Variants in SYNPO2 observed in about 807,000 individuals in gnomAD.
SYNPO2 encodes the protein synaptopodin 2, also known as synaptopodin-2.
A neutral mutation model predicts 85.0 loss-of-function variants in SYNPO2; 56 were observed. The observed-to-expected ratio is 0.66, with a 90% confidence interval of 0.53 to 0.82. The LOEUF is 0.82. Among genes scored for constraint, SYNPO2 ranks in the 40% least tolerant of loss-of-function variants. The pLI is 0.00. For missense variants in SYNPO2, 1,575 were observed against 1,534.2 expected (o/e 1.03, Z -0.44); for synonymous variants, 602 against 591.1 (o/e 1.02, Z -0.27).
chr4:118,996,374 A>G (rs527366254), intron 1 of SYNPO2, among the ~76,000 whole-genome samples: 2 of 152,232 alleles, frequency 1.3e-5, no homozygotes, highest in South Asian at 2.1e-4. Context: ...GTTCTTTATG[A>G]ATACTTTTAT....
intron 1 of SYNPO2, among the ~76,000 whole-genome samples, chr4:118,980,988 G>T (rs1188700166): frequency 6.6e-6 from 1 of 152,194 alleles, no homozygotes; most frequent in Admixed American, 6.5e-5. Context: ...AAGTTACTAA[G>T]CACAGTTTCC....
chr4:118,933,213 A>C (rs1371971680), intron 1 of SYNPO2, among the ~76,000 whole-genome samples: 5 of 152,216 alleles, frequency 3.3e-5, no homozygotes, highest in Non-Finnish European at 7.4e-5. Context: ...GGACTATATC[A>C]AGTTCAATAA....
intron 1 of SYNPO2, among the ~76,000 whole-genome samples, chr4:118,987,265 G>A (rs1216952507): frequency 6.6e-6 from 1 of 152,144 alleles, no homozygotes; most frequent in Non-Finnish European, 1.5e-5. Context: ...GAATGTCCCA[G>A]CTAAGGAACA....
At chr4:118,997,962 G>A (rs1339827393) in intron 1 of SYNPO2, among the ~76,000 whole-genome samples, 8 of 152,140 alleles carry the variant, frequency 5.3e-5, no homozygotes, top group Non-Finnish European at 1.5e-5. Context: ...CAAGATCTTA[G>A]ATGTCCCTGA....
intron 1 of SYNPO2, among the ~76,000 whole-genome samples, chr4:118,967,550 CAG>C (rs2149152899): frequency 6.6e-6 from 1 of 152,358 alleles, no homozygotes; most frequent in African/African-American, 2.4e-5. Flanking sequence ...TGATGCTCTG[CAG>C]CTTCTTTGGC....
intron 1 of SYNPO2, among the ~76,000 whole-genome samples, chr4:118,936,278 A>ATC (rs376969564): frequency 3.9e-5 from 6 of 152,228 alleles, no homozygotes; most frequent in African/African-American, 1.4e-4. Context: ...ACATATCTCC[A>ATC]TCGTTAAGCA....
At chr4:118,873,005 T>G (rs1376712073) in intron 1 of SYNPO2, among the ~76,000 whole-genome samples, 1 of 152,192 alleles carries the variant, frequency 6.6e-6, no homozygotes, top group East Asian at 1.9e-4. Context: ...ATAATTTCAC[T>G]TGTTTTTTTA....
chr4:118,927,534 T>A (rs1733753145), intron 1 of SYNPO2, among the ~76,000 whole-genome samples: 1 of 152,090 alleles, frequency 6.6e-6, no homozygotes, highest in Non-Finnish European at 1.5e-5. Context: ...TTTCTTCCAT[T>A]ACCATGCTGT....
chr4:118,883,170 T>C (rs1487385945), intron 1 of SYNPO2, among the ~76,000 whole-genome samples: 2 of 152,128 alleles, frequency 1.3e-5, no homozygotes, highest in African/African-American at 4.8e-5. Flanking sequence ...GCATCTTTCC[T>C]GGTTTTGCCA....
At position 118,935,167 on chromosome 4, in the gene SYNPO2, A is replaced by G. The variant is rs563411131; in HGVS notation, c.105+46026A>G. On this transcript the variant is annotated intron_variant, in intron 1 of 4. Transcript: ENST00000307142. ...ACACACAATTCCATGATACGGACAT[A>G]GAGACTCCCAGTGAGGCCACTGGGA... Among the ~76,000 whole-genome samples, 11 of 152,300 alleles carry G rather than the reference A, an allele frequency of 7.2e-5. No homozygotes were observed. The East Asian group carries it at 1.5e-3, about 21-fold the overall frequency.
chr4:118,950,472 C>T (rs568626625), intron 1 of SYNPO2, among the ~76,000 whole-genome samples: 29 of 152,262 alleles, frequency 1.9e-4, no homozygotes, highest in Admixed American at 4.6e-4. Flanking sequence ...GGAAGGAATG[C>T]GCCAAGCAAG....
intron 1 of SYNPO2, among the ~76,000 whole-genome samples, chr4:118,920,969 C>A (rs1177769404): frequency 6.6e-6 from 1 of 151,928 alleles, no homozygotes; most frequent in Non-Finnish European, 1.5e-5. Flanking sequence ...GCCATCATAG[C>A]TCACTATGAT....
chr4:118,937,203 C>A (rs2149135704), intron 1 of SYNPO2, among the ~76,000 whole-genome samples: 1 of 152,288 alleles, frequency 6.6e-6, no homozygotes, highest in Non-Finnish European at 1.5e-5. Flanking sequence ...TTGCAAGGCC[C>A]CGCCTACATG....
At position 119,027,040 on chromosome 4, in the gene SYNPO2, C is replaced by G. The variant is rs767098047; in HGVS notation, c.671C>G (p.Ser224Cys). Residue 224 changes from serine to cysteine, a missense_variant, in exon 3 of 5, where the codon TCT (serine) becomes TGT (cysteine). Ser to Cys is a moderately radical substitution (Grantham distance 112). Around this residue, in one of 3 missense-constraint regions of SYNPO2, gnomAD observed 1,508 missense variants for 1,446.8 expected, o/e 1.04. Coordinates refer to ENST00000307142, the MANE Select transcript of SYNPO2 (RefSeq NM_133477.3). ...PLVALPGAEK[S>C]KSPDPDPNLS... Reference sequence around the variant, plus strand: ...GTGGCTCTCCCGGGAGCTGAAAAATCTAAGTCTCCTGACCCAGACCCTAAC... The same window carrying G: ...GTGGCTCTCCCGGGAGCTGAAAAATGTAAGTCTCCTGACCCAGACCCTAAC... 1.2e-5 allele frequency: 20 copies of G among 1,613,966 alleles called. No homozygotes were observed. The highest frequency in any genetic ancestry group is 1.6e-4 in the Middle Eastern group (1 of 6,084).
intron 1 of SYNPO2, among the ~76,000 whole-genome samples, chr4:119,011,246 C>T (rs965411225): frequency 6.6e-6 from 1 of 152,202 alleles, no homozygotes; most frequent in Non-Finnish European, 1.5e-5. Flanking sequence ...ACAGGAGGTG[C>T]AGCAGCACCT....
chr4:119,027,453 G>A lies in SYNPO2; in HGVS notation c.1069+15G>A, dbSNP rs1738019175. 1 of 1,562,992 alleles carries A rather than the reference G, an allele frequency of 6.4e-7. No individual in the cohort carries two copies. Among genetic ancestry groups the A allele is most frequent in the East Asian group, 2.3e-5 (1 of 43,860 alleles). On this transcript the variant is annotated intron_variant, in intron 3 of 4. Transcript: ENST00000307142. The stretch of plus-strand genomic sequence containing the variant: ...GCGGCATGCACGTAAGTTCTGCCTG[G>A]GCTTTCAGAAGGGGCTTGGGAGTTG...
At position 119,030,747 on chromosome 4, in the gene SYNPO2, C is replaced by A. The variant is rs1380463893; in HGVS notation, c.1972C>A (p.Pro658Thr). 6.2e-7 allele frequency: 1 copy of A among 1,614,098 alleles called. No homozygotes were observed. The highest frequency in any genetic ancestry group is 8.5e-7 in the Non-Finnish European group (1 of 1,180,056). Residue 658 changes from proline to threonine, a missense_variant, in exon 4 of 5, where the codon CCA (proline) becomes ACA (threonine). Transcript: ENST00000307142. ...PWPQPAPWSQ[P>T]AFYDSSERIA... Reference sequence around the variant, plus strand: ...GCCCCAGCCTGCCCCGTGGTCCCAGCCAGCCTTTTACGATTCGTCTGAGCG... The same window carrying A: ...GCCCCAGCCTGCCCCGTGGTCCCAGACAGCCTTTTACGATTCGTCTGAGCG...
chr4:119,001,638 G>A (rs1020680557), intron 1 of SYNPO2, among the ~76,000 whole-genome samples: 13 of 152,234 alleles, frequency 8.5e-5, no homozygotes, highest in African/African-American at 3.1e-4. Context: ...TTAAAATTTA[G>A]TTCTTATTCT....
At chr4:118,927,234 C>A (rs1302374540) in intron 1 of SYNPO2, among the ~76,000 whole-genome samples, 3 of 152,146 alleles carry the variant, frequency 2.0e-5, no homozygotes, top group African/African-American at 7.2e-5. Context: ...GATGAAATTT[C>A]TGCCATGGAT....
Sources: allele counts gnomAD v4.1 joint callset (sites outside exome capture counted in the v4.1 genomes callset), GRCh38; gene constraint gnomAD v4.1.1; regional missense constraint gnomAD v4.1.1; transcripts MANE v1.5; gene names NCBI Gene and HGNC (gene_info 2026-07-23, HGNC 2026-07-21).